The following RSRC1 variants were observed in gnomAD, a reference collection of about 807,000 sequenced individuals.
RSRC1 encodes the protein serine/Arginine-related protein 53.
A neutral mutation model predicts 49.1 loss-of-function variants in RSRC1; 39 were observed. The observed-to-expected ratio is 0.79, with a 90% CI of 0.61 to 1.04. The LOEUF (loss-of-function observed/expected upper bound fraction) is 1.04, where lower values mean the gene tolerates loss of function less well. Ranked by LOEUF, RSRC1 falls within the 50% of genes least tolerant of loss-of-function variation. The probability of loss-of-function intolerance (pLI) is 0.00; values close to 1 mark genes in which losing one functional copy is unlikely to be tolerated. For synonymous variants in RSRC1, 143 were observed against 130.8 expected, an observed-to-expected ratio of 1.09 and a Z score of -0.63; for missense variants, 388 against 402.4, an observed-to-expected ratio of 0.96 and a Z score of 0.31.
intron 3 of RSRC1, among the ~76,000 whole-genome samples, chr3:158,178,699 G>A (rs1310697015): frequency 1.3e-5 from 2 of 152,068 alleles, no homozygotes; most frequent in African/African-American, 4.8e-5. Context: ...ATGATCATTG[G>A]AATTTTTTGG....
At chr3:158,127,364 A>G (rs1715694536) in intron 3 of RSRC1, among the ~76,000 whole-genome samples, 1 of 151,476 alleles carries the variant, frequency 6.6e-6, no homozygotes, top group African/African-American at 2.4e-5. Flanking sequence ...ACTTTTCTTT[A>G]TTCTTTTTCT....
intron 7 of RSRC1, among the ~76,000 whole-genome samples, chr3:158,503,435 G>A (rs896189620): frequency 1.1e-4 from 17 of 152,090 alleles, no homozygotes; most frequent in African/African-American, 4.1e-4. Context: ...GTGGTGGGCG[G>A]GGCCCTAGAA....
In RSRC1 at chr3:158,203,164, G is replaced by A. The variant is rs754224791; in HGVS notation, c.413G>A (p.Arg138Gln). The change falls in exon 4 of 10, where the codon CGA becomes CAA. Residue 138 changes from arginine to glutamine, a missense_variant. Physicochemically the swap from Arg to Gln is conservative, Grantham distance 43. Transcript: ENST00000611884. ...RTRSRSRDRERRKGRDKEKRE... is the reference protein window; with the variant it reads ...RTRSRSRDREQRKGRDKEKRE... ...CGTAGTCGGTCTCGGGATAGAGAAC[G>A]ACGTAAGGGCAGAGATAAAGAGAAA... The A allele has an allele frequency of 5.0e-6, 8 of 1,613,484 alleles. No homozygotes were observed. The highest frequency in any genetic ancestry group is 4.0e-5 in the African/African-American group (3 of 74,902).
intron 7 of RSRC1, among the ~76,000 whole-genome samples, chr3:158,467,779 G>A (rs1003659857): frequency 1.3e-5 from 2 of 152,114 alleles, no homozygotes; most frequent in African/African-American, 2.4e-5. Context: ...CTAGATTGAC[G>A]TTATTGAAAC....
At chr3:158,227,900 T>A (rs534555365) in intron 4 of RSRC1, among the ~76,000 whole-genome samples, 1 of 152,096 alleles carries the variant, frequency 6.6e-6, no homozygotes, top group Admixed American at 6.6e-5. Context: ...GTGGGACCAC[T>A]TTGGCCTGAG....
chr3:158,369,115 G>A (rs1731930288), intron 6 of RSRC1, among the ~76,000 whole-genome samples: 1 of 151,930 alleles, frequency 6.6e-6, no homozygotes, highest in South Asian at 2.1e-4. Flanking sequence ...CATTTATTGA[G>A]CATCTACTAT....
chr3:158,207,670 G>GATAGAT (rs1559943262), intron 4 of RSRC1, among the ~76,000 whole-genome samples: 123 of 67,188 alleles, frequency 1.8e-3, no homozygotes, highest in African/African-American at 8.2e-3. Context: ...GATAGACAGA[G>GATAGAT]AGACAGACAG....
At chr3:158,143,963 A>G (rs1356526787) in intron 3 of RSRC1, among the ~76,000 whole-genome samples, 5 of 151,946 alleles carry the variant, frequency 3.3e-5, no homozygotes, top group Non-Finnish European at 2.9e-5. Flanking sequence ...CACTTTGAAC[A>G]TCCTCTATAT....
chr3:158,430,816 T>G (rs536562156), intron 6 of RSRC1, among the ~76,000 whole-genome samples: 1 of 152,064 alleles, frequency 6.6e-6, no homozygotes, highest in Admixed American at 6.6e-5. Context: ...CCAATATTTT[T>G]TGAATTAACA....
At chr3:158,123,317 AT>A (rs533717998) in intron 2 of RSRC1, among the ~76,000 whole-genome samples, 102 of 151,688 alleles carry the variant, frequency 6.7e-4, no homozygotes, top group African/African-American at 2.3e-3. Flanking sequence ...TTAATTTTAA[AT>A]TTTTTTAGAG....
intron 6 of RSRC1, among the ~76,000 whole-genome samples, chr3:158,402,994 A>G: frequency 6.6e-6 from 1 of 151,852 alleles, no homozygotes. Flanking sequence ...AATAAAACCT[A>G]AAGTATCATA....
intron 6 of RSRC1, among the ~76,000 whole-genome samples, chr3:158,427,916 T>C (rs571249067): frequency 6.6e-6 from 1 of 151,970 alleles, no homozygotes; most frequent in South Asian, 2.1e-4. Flanking sequence ...TCTTCATGCA[T>C]ACTTTTTTCA....
chr3:158,421,732 T>G (rs957681162), intron 6 of RSRC1, among the ~76,000 whole-genome samples: 3 of 151,858 alleles, frequency 2.0e-5, no homozygotes, highest in African/African-American at 7.2e-5. Flanking sequence ...GAAACCATCA[T>G]GTACAAACAC....
intron 7 of RSRC1, among the ~76,000 whole-genome samples, chr3:158,524,019 T>C (rs573510672): frequency 1.3e-5 from 2 of 152,082 alleles, no homozygotes; most frequent in Non-Finnish European, 2.9e-5. Flanking sequence ...TTGCTTTGAT[T>C]GTGCTTTGTC....
chr3:158,395,104 G>T (rs181035866), intron 6 of RSRC1, among the ~76,000 whole-genome samples: 2 of 152,190 alleles, frequency 1.3e-5, no homozygotes, highest in East Asian at 1.9e-4. Flanking sequence ...TCAATAAATG[G>T]TGCTGAAATA....
chr3:158,126,868 AG>A (rs1715658160), intron 3 of RSRC1, among the ~76,000 whole-genome samples: 1 of 151,320 alleles, frequency 6.6e-6, no homozygotes, highest in African/African-American at 2.4e-5. Context: ...CTTGATTGAC[AG>A]GGTTTTTTTT....
chr3:158,307,320 A>G (rs539445847), intron 5 of RSRC1, among the ~76,000 whole-genome samples: 2 of 152,058 alleles, frequency 1.3e-5, no homozygotes, highest in South Asian at 2.1e-4. Context: ...AGTAAAGGGT[A>G]TAAACTGGAT....
intron 6 of RSRC1, among the ~76,000 whole-genome samples, chr3:158,392,250 T>C (rs867971937): frequency 1.3e-5 from 2 of 152,148 alleles, no homozygotes; most frequent in Non-Finnish European, 2.9e-5. Flanking sequence ...CTTTTACTAC[T>C]GTGGCTATGA....
At chr3:158,338,961 T>C (rs1471458428) in intron 5 of RSRC1, among the ~76,000 whole-genome samples, 2 of 152,190 alleles carry the variant, frequency 1.3e-5, no homozygotes, top group African/African-American at 2.4e-5. Context: ...TCGAACATTA[T>C]AAGCATATGA....
Sources: gnomAD v4.1 joint callset for allele counts (sites outside exome capture counted in the v4.1 genomes callset) on GRCh38, gnomAD v4.1.1 for gene constraint, MANE v1.5 for transcripts, NCBI Gene and HGNC (gene_info 2026-07-23, HGNC 2026-07-21) for gene names.